LHFPL3: variants seen among roughly 807,000 people sequenced by gnomAD.
LHFPL3 encodes LHFPL tetraspan subfamily member 3, also known as LHFPL tetraspan subfamily member 3 protein.
In LHFPL3, 5 loss-of-function variants were observed where a neutral mutation model predicts 19.3. The ratio of observed to expected loss-of-function variants is 0.26; its 90% CI spans 0.14 to 0.54. The LOEUF (loss-of-function observed/expected upper bound fraction) is 0.54. Among genes scored for constraint, LHFPL3 ranks in the 20% least tolerant of loss-of-function variants. The pLI is 0.94. For missense variants in LHFPL3, 249 were observed against 307.4 expected (o/e 0.81, Z 1.42); for synonymous variants, 133 against 126.2 (o/e 1.05, Z -0.36).
At chr7:104,666,777 C>T (rs1481373715) in intron 1 of LHFPL3, among the ~76,000 whole-genome samples, 7 of 151,922 alleles carry the variant, frequency 4.6e-5, no homozygotes, top group African/African-American at 7.2e-5. Context: ...CCGCCTCGGC[C>T]TCCCAAAGTG....
chr7:104,641,689 G>C (rs907673300), intron 1 of LHFPL3, among the ~76,000 whole-genome samples: 3 of 152,122 alleles, frequency 2.0e-5, no homozygotes, highest in African/African-American at 7.2e-5. Context: ...TAAATTGAGG[G>C]GAGGGGGAAA....
intron 1 of LHFPL3, among the ~76,000 whole-genome samples, chr7:104,698,805 A>G (rs1046922315): frequency 6.6e-6 from 1 of 152,226 alleles, no homozygotes; most frequent in Non-Finnish European, 1.5e-5. Context: ...TGTATCTGAT[A>G]AGGGATTAAT....
At chr7:104,361,341 TG>T (rs1471440849) in intron 1 of LHFPL3, among the ~76,000 whole-genome samples, 1 of 152,242 alleles carries the variant, frequency 6.6e-6, no homozygotes, top group Non-Finnish European at 1.5e-5. Context: ...TATTGATTTT[TG>T]TTGTTACTTT....
intron 1 of LHFPL3, among the ~76,000 whole-genome samples, chr7:104,389,927 G>T (rs934527970): frequency 6.6e-6 from 1 of 152,018 alleles, no homozygotes; most frequent in African/African-American, 2.4e-5. Context: ...GAAAAAATGT[G>T]TTAGTAAATC....
At chr7:104,564,129 C>G (rs946824630) in intron 1 of LHFPL3, among the ~76,000 whole-genome samples, 2 of 152,090 alleles carry the variant, frequency 1.3e-5, no homozygotes, top group Middle Eastern at 3.4e-3. Context: ...ATAGAGTGAC[C>G]CAGTAACCCA....
intron 1 of LHFPL3, among the ~76,000 whole-genome samples, chr7:104,558,507 C>A (rs1313687445): frequency 1.3e-5 from 2 of 152,042 alleles, no homozygotes; most frequent in Non-Finnish European, 2.9e-5. Flanking sequence ...ATGTCATTCG[C>A]CCACTTTTTG....
At chr7:104,603,078 C>CTTTCTT (rs761982594) in intron 1 of LHFPL3, among the ~76,000 whole-genome samples, 36 of 94,182 alleles carry the variant, frequency 3.8e-4, no homozygotes, top group African/African-American at 1.5e-3. Flanking sequence ...TTCTTTCTTT[C>CTTTCTT]TTTCTTTCTT....
At position 104,845,540 on chromosome 7, in the gene LHFPL3, T is replaced by C. The variant is rs1357685866; in HGVS notation, c.683-60647T>C. On this transcript the variant is annotated intron_variant, in intron 2 of 2. Coordinates refer to ENST00000424859, the MANE Select transcript of LHFPL3 (RefSeq NM_199000.3). Reference sequence around the variant, plus strand: ...GATTCCCGCTTTCAGCGCTTAGCACTTGAGCCGCATGAAACTGCCGCTTTC... The same window carrying C: ...GATTCCCGCTTTCAGCGCTTAGCACCTGAGCCGCATGAAACTGCCGCTTTC... The C allele has an allele frequency of 2.3e-6, 3 of 1,311,442 alleles. No homozygotes were observed. The African/African-American group carries it at 4.5e-5, about 20-fold the overall frequency. 81.2% of individuals were successfully genotyped at this position (1,311,442 alleles called of 1,614,324 possible).
chr7:104,899,120 T>TAC (rs1376274212), intron 2 of LHFPL3, among the ~76,000 whole-genome samples: 1 of 151,854 alleles, frequency 6.6e-6, no homozygotes, highest in East Asian at 1.9e-4. Context: ...TATATATATA[T>TAC]ACTGTCAATA....
chr7:104,529,717 C>A (rs1340802009), intron 1 of LHFPL3, among the ~76,000 whole-genome samples: 1 of 152,076 alleles, frequency 6.6e-6, no homozygotes, highest in East Asian at 1.9e-4. Flanking sequence ...GTGTCAGGAA[C>A]CGGGCTGGGC....
At chr7:104,521,726 G>T (rs554170468) in intron 1 of LHFPL3, among the ~76,000 whole-genome samples, 1 of 152,246 alleles carries the variant, frequency 6.6e-6, no homozygotes, top group South Asian at 2.1e-4. Context: ...AGTGGTCGAA[G>T]GACATGAACA....
chr7:104,852,645 G>A (rs1791433329), intron 2 of LHFPL3, among the ~76,000 whole-genome samples: 1 of 152,250 alleles, frequency 6.6e-6, no homozygotes, highest in Non-Finnish European at 1.5e-5. Context: ...CATGACCAGT[G>A]CAGTCCCACA....
chr7:104,908,242 A>T lies in LHFPL3; in HGVS notation c.*2027A>T, dbSNP rs1792656326. 1.3e-5 allele frequency among the ~76,000 whole-genome samples: 2 copies of T among 152,232 alleles called. No homozygotes were observed. Among genetic ancestry groups the T allele is most frequent in the Non-Finnish European group, 2.9e-5 (2 of 68,018 alleles). ...CTTCCTATCCACATGTGAATGTTTT[A>T]AAAAAGTTTTTGCCATAAAACCTAA... On this transcript the variant is annotated 3_prime_UTR_variant, in exon 3 of 3. Transcript: ENST00000424859.
chr7:104,524,394 T>C (rs1251649136), intron 1 of LHFPL3, among the ~76,000 whole-genome samples: 1 of 152,158 alleles, frequency 6.6e-6, no homozygotes, highest in Non-Finnish European at 1.5e-5. Context: ...ATGCAACTCA[T>C]AGGAAGCCAC....
intron 1 of LHFPL3, among the ~76,000 whole-genome samples, chr7:104,653,191 G>T (rs1792061994): frequency 6.6e-6 from 1 of 152,228 alleles, no homozygotes; most frequent in South Asian, 2.1e-4. Context: ...AATCGTTTGT[G>T]CTGAGAGTCT....
chr7:104,572,917 AAT>A lies in LHFPL3; in HGVS notation c.446-163756_446-163755del, dbSNP rs377301481. On this transcript the variant is annotated intron_variant, in intron 1 of 2. Coordinates refer to ENST00000424859, the MANE Select transcript of LHFPL3 (RefSeq NM_199000.3). ...TCTAACATTAACCAGTTCCCTTTTA[AAT>A]AGAAATAGCAGGTCTAAAAGGACAG... 5.9e-5 allele frequency among the ~76,000 whole-genome samples: 9 copies of A among 152,322 alleles called. No homozygotes were observed. In the East Asian group the frequency reaches 1.7e-3, roughly 29 times the overall value.
intron 1 of LHFPL3, among the ~76,000 whole-genome samples, chr7:104,514,803 G>A (rs1793889540): frequency 6.6e-6 from 1 of 152,144 alleles, no homozygotes; most frequent in Non-Finnish European, 1.5e-5. Flanking sequence ...AAATTCTCTA[G>A]GGTGATTGAA....
At chr7:104,388,809 A>C (rs1044957202) in intron 1 of LHFPL3, among the ~76,000 whole-genome samples, 7 of 137,006 alleles carry the variant, frequency 5.1e-5, no homozygotes, top group African/African-American at 1.8e-4. Flanking sequence ...ATAGCATTTG[A>C]CAAAATATAA....
rs543865825 is a variant in LHFPL3, at chr7:104,824,024, T to C, written c.683-82163T>C. Among the ~76,000 whole-genome samples, 31 of 145,926 alleles carry C rather than the reference T, an allele frequency of 2.1e-4. 1 individual carries two copies. The East Asian group carries it at 5.9e-3, about 28-fold the overall frequency. On this transcript the variant is annotated intron_variant, in intron 2 of 2. Coordinates refer to ENST00000424859, the MANE Select transcript of LHFPL3 (RefSeq NM_199000.3). The stretch of plus-strand genomic sequence containing the variant: ...AGCCGGGCATGGTGGTGCATGCCTA[T>C]AATCCCAGCTACTCGGGAGGCTGAG...
Sources: allele counts gnomAD v4.1 joint callset (sites outside exome capture counted in the v4.1 genomes callset), GRCh38; gene constraint gnomAD v4.1.1; transcripts MANE v1.5; gene names NCBI Gene and HGNC (gene_info 2026-07-23, HGNC 2026-07-21).